Variants in EYA1 observed in about 807,000 individuals in gnomAD.
The protein encoded by EYA1 is protein phosphatase EYA1.
Under a neutral mutation model 82.0 loss-of-function variants are expected in EYA1, and 16 were observed. The ratio of observed to expected loss-of-function variants is 0.20; its 90% CI spans 0.13 to 0.30. The LOEUF (loss-of-function observed/expected upper bound fraction) is 0.30, where lower values mean the gene tolerates loss of function less well. EYA1 is among the 10% of genes least tolerant of loss of function. The probability of loss-of-function intolerance (pLI) is 1.00; values close to 1 mark genes in which losing one functional copy is unlikely to be tolerated. For synonymous variants in EYA1, 261 were observed against 264.4 expected (o/e 0.99, Z 0.12); for missense variants, 633 against 730.7 (o/e 0.87, Z 1.54).
chr8:71,480,039 A>G (rs1478006042), intron 2 of EYA1, among the ~76,000 whole-genome samples: 13 of 152,090 alleles, frequency 8.5e-5, no homozygotes, highest in Admixed American at 8.5e-4. Flanking sequence ...GGTCACTTAA[A>G]TTTTTTATTT....
At chr8:71,339,831 A>G (rs1824920022) in intron 3 of EYA1, among the ~76,000 whole-genome samples, 1 of 152,194 alleles carries the variant, frequency 6.6e-6, no homozygotes, top group African/African-American at 2.4e-5. Flanking sequence ...AATATAACAT[A>G]GCAATAGTTC....
intron 12 of EYA1, among the ~76,000 whole-genome samples, chr8:71,241,015 G>T (rs1563677379): frequency 6.6e-6 from 1 of 152,146 alleles, no homozygotes; most frequent in Non-Finnish European, 1.5e-5. Flanking sequence ...CACATGGAGA[G>T]TTTTTTTGTA....
intron 9 of EYA1, among the ~76,000 whole-genome samples, chr8:71,273,845 T>C (rs1021648226): frequency 8.5e-5 from 13 of 152,220 alleles, no homozygotes; most frequent in Admixed American, 7.2e-4. Flanking sequence ...CAATGTAAGT[T>C]AGCATGTTAC....
intron 3 of EYA1, among the ~76,000 whole-genome samples, chr8:71,340,969 T>C (rs554908104): frequency 6.6e-6 from 1 of 152,224 alleles, no homozygotes; most frequent in Non-Finnish European, 1.5e-5. Context: ...AAAAACAAGA[T>C]GACAGTTTAT....
chr8:71,461,453 C>T (rs1190083696), intron 2 of EYA1, among the ~76,000 whole-genome samples: 1 of 152,120 alleles, frequency 6.6e-6, no homozygotes, highest in African/African-American at 2.4e-5. Context: ...CGGCTAGCAA[C>T]GGGGTATGTG....
At chr8:71,448,512 C>T (rs1302640132) in intron 2 of EYA1, among the ~76,000 whole-genome samples, 1 of 152,148 alleles carries the variant, frequency 6.6e-6, no homozygotes, top group African/African-American at 2.4e-5. Flanking sequence ...TCCAACTTAC[C>T]CATGGAGGGC....
In EYA1 at chr8:71,237,792, A is replaced by G. The variant is rs150963056; in HGVS notation, c.1140+6811T>C. Among the ~76,000 whole-genome samples, 88 of 152,302 alleles carry G rather than the reference A, an allele frequency of 5.8e-4. No homozygotes were observed. The East Asian group carries it at 0.016, about 28-fold the overall frequency. On this transcript the variant is annotated intron_variant, in intron 12 of 17. Transcript: ENST00000340726. ...CATTTTATAATAGAATTGTGAGCCA[A>G]CAATATGTGTGTATATTCCTCAAAT...
At chr8:71,356,540 A>T (rs931021590) in intron 1 of EYA1, 29 bp from the exon 2 acceptor site, 19 of 1,553,944 alleles carry the variant, frequency 1.2e-5, no homozygotes, top group Non-Finnish European at 1.6e-5. Flanking sequence ...AAATTAGAAG[A>T]TGTTGTTACT....
intron 9 of EYA1, among the ~76,000 whole-genome samples, chr8:71,281,124 G>C (rs887071477): frequency 6.6e-6 from 1 of 152,182 alleles, no homozygotes; most frequent in Non-Finnish European, 1.5e-5. Flanking sequence ...AACTCAATTT[G>C]AAGTAGCTAT....
intron 1 of EYA1, among the ~76,000 whole-genome samples, chr8:71,538,968 CTTTA>C (rs1170845869): frequency 6.6e-6 from 1 of 152,120 alleles, no homozygotes; most frequent in Non-Finnish European, 1.5e-5. Context: ...TGGCCAAATC[CTTTA>C]TTTACGCACT....
intron 9 of EYA1, among the ~76,000 whole-genome samples, chr8:71,284,266 A>G (rs946899351): frequency 7.9e-5 from 12 of 152,278 alleles, no homozygotes; most frequent in African/African-American, 2.6e-4. Context: ...CAGTAAGGGG[A>G]CCTTCTTTCC....
chr8:71,541,107 G>C (rs1218269155), intron 1 of EYA1, among the ~76,000 whole-genome samples: 1 of 152,140 alleles, frequency 6.6e-6, no homozygotes, highest in South Asian at 2.1e-4. Flanking sequence ...AAGGAATTTG[G>C]TTATATCAAA....
chr8:71,402,532 T>G (rs1485819925), intron 2 of EYA1, among the ~76,000 whole-genome samples: 5 of 152,186 alleles, frequency 3.3e-5, no homozygotes, highest in Admixed American at 2.0e-4. Context: ...ATTTTTTAAT[T>G]AAAATTTAAC....
chr8:71,438,341 GAATT>G (rs1389822212), intron 2 of EYA1, among the ~76,000 whole-genome samples: 2 of 151,280 alleles, frequency 1.3e-5, no homozygotes, highest in African/African-American at 4.9e-5. Context: ...GGTCTTCAGT[GAATT>G]AATTAATGTA....
chr8:71,239,105 T>A (rs1812177668), intron 12 of EYA1, among the ~76,000 whole-genome samples: 1 of 152,150 alleles, frequency 6.6e-6, no homozygotes. Flanking sequence ...TAAGAAATGA[T>A]GAAGAAACAA....
chr8:71,349,424 G>T (rs952777016), intron 3 of EYA1, among the ~76,000 whole-genome samples: 1 of 152,168 alleles, frequency 6.6e-6, no homozygotes, highest in African/African-American at 2.4e-5. Context: ...TCTCTCCAGA[G>T]AAAAATATGG....
At chr8:71,236,547 A>G (rs1024035788) in intron 12 of EYA1, among the ~76,000 whole-genome samples, 9 of 151,956 alleles carry the variant, frequency 5.9e-5, no homozygotes, top group Admixed American at 5.2e-4. Context: ...ATATTTCTCT[A>G]TTGTAGTGGT....
intron 3 of EYA1, among the ~76,000 whole-genome samples, chr8:71,349,632 A>C (rs1403187883): frequency 1.3e-5 from 2 of 152,214 alleles, no homozygotes; most frequent in Admixed American, 1.3e-4. Flanking sequence ...GAGCACTTAT[A>C]AGTTCCAATT....
intron 2 of EYA1, among the ~76,000 whole-genome samples, chr8:71,439,970 C>A (rs923252878): frequency 6.6e-6 from 1 of 151,996 alleles, no homozygotes; most frequent in South Asian, 2.1e-4. Context: ...TTAACTAACA[C>A]CTATTAACTA....
Sources: gnomAD v4.1 joint callset for allele counts (sites outside exome capture counted in the v4.1 genomes callset) on GRCh38, gnomAD v4.1.1 for gene constraint, MANE v1.5 for transcripts, NCBI Gene and HGNC (gene_info 2026-07-23, HGNC 2026-07-21) for gene names.